The following BZW2 variants were observed in gnomAD, a reference collection of about 807,000 sequenced individuals.
BZW2 encodes eIF5-mimic protein 1.
A neutral mutation model predicts 53.2 loss-of-function variants in BZW2; 23 were observed. The observed-to-expected ratio is 0.43, with a 90% CI of 0.31 to 0.61. BZW2 has a LOEUF of 0.61. BZW2 is among the 20% of genes least tolerant of loss of function. The probability of loss-of-function intolerance (pLI) is 0.09; values close to 1 mark genes in which losing one functional copy is unlikely to be tolerated. For missense variants in BZW2, 409 were observed against 503.1 expected (o/e 0.81, Z 1.79); for synonymous variants, 227 against 186.4 (o/e 1.22, Z -1.77).
chr7:16,689,937 T>C, intron 7 of BZW2, 31 bp downstream of exon 7: 1 of 1,544,528 alleles, frequency 6.5e-7, no homozygotes, highest in South Asian at 1.2e-5. Flanking sequence ...GAGTTGTATG[T>C]ATGATGCCTT....
intron 2 of BZW2, among the ~76,000 whole-genome samples, chr7:16,671,426 ACCTTTC>A (rs1030982708): frequency 2.0e-5 from 3 of 152,204 alleles, no homozygotes; most frequent in African/African-American, 7.2e-5. Flanking sequence ...GCCCACCCTA[ACCTTTC>A]CCTTTGTTGT....
chr7:16,696,127 A>C (rs1318993827), intron 8 of BZW2: 1 of 152,144 alleles, frequency 6.6e-6, no homozygotes, highest in Admixed American at 6.5e-5. Context: ...TTCCAGCAAA[A>C]AAGAAAAGGG....
At chr7:16,656,551 GCGCGCACACACACACA>G (rs1270773707) in intron 1 of BZW2, among the ~76,000 whole-genome samples, 2 of 112,238 alleles carry the variant, frequency 1.8e-5, no homozygotes, top group Non-Finnish European at 3.3e-5. Flanking sequence ...CCCAGCGCGC[GCGCGCACACACACACA>G]CACACACACA....
chr7:16,665,179 G>A (rs1024959820), intron 1 of BZW2, among the ~76,000 whole-genome samples: 6 of 151,994 alleles, frequency 3.9e-5, no homozygotes, highest in South Asian at 2.1e-4. Context: ...GGTGGCTCAC[G>A]CTTGTAGTCC....
intron 6 of BZW2, among the ~76,000 whole-genome samples, chr7:16,688,809 CAT>C (rs1783210076): frequency 6.6e-6 from 1 of 152,082 alleles, no homozygotes. Context: ...TAAATGTGGA[CAT>C]GTGATTAAAT....
chr7:16,688,063 CA>C (rs1783185731), intron 6 of BZW2, among the ~76,000 whole-genome samples: 1 of 149,464 alleles, frequency 6.7e-6, no homozygotes, highest in Non-Finnish European at 1.5e-5. Flanking sequence ...TTTGCTTATT[CA>C]AGGGAAGAAA....
intron 1 of BZW2, among the ~76,000 whole-genome samples, chr7:16,663,186 A>G (rs1486541788): frequency 2.0e-5 from 3 of 152,200 alleles, no homozygotes; most frequent in African/African-American, 7.2e-5. Context: ...AGCATTTGTA[A>G]TGATTTCGAT....
rs1233579684 is a variant in BZW2 at position 16,689,920 on chromosome 7, G to T, written c.651+14G>T. ...AAGAGGCTGCTTGTAAGTGTTTTCTGGTTAAAGAGTTGTATGTATGATGCC... is the reference window on the plus strand; with the variant it reads ...AAGAGGCTGCTTGTAAGTGTTTTCTTGTTAAAGAGTTGTATGTATGATGCC... On this transcript the variant is annotated intron_variant, in intron 7 of 11. Transcript: ENST00000258761. The T allele has an allele frequency of 6.3e-7, 1 of 1,598,214 alleles. No homozygotes were observed.
At chr7:16,668,724 C>T (rs963369948) in intron 2 of BZW2, among the ~76,000 whole-genome samples, 3 of 152,196 alleles carry the variant, frequency 2.0e-5, no homozygotes, top group Non-Finnish European at 4.4e-5. Flanking sequence ...GCCAGTGCTC[C>T]TGCATGCCAA....
At chr7:16,658,919 T>C (rs997115542) in intron 1 of BZW2, among the ~76,000 whole-genome samples, 178 of 150,634 alleles carry the variant, frequency 1.2e-3, no homozygotes, top group African/African-American at 4.1e-3. Flanking sequence ...TGCTGTCATT[T>C]CCCTATTCCT....
At chr7:16,701,745 T>G (rs545968088) in intron 10 of BZW2, among the ~76,000 whole-genome samples, 8 of 152,190 alleles carry the variant, frequency 5.3e-5, no homozygotes, top group Non-Finnish European at 1.2e-4. Flanking sequence ...GTGTGTTGAA[T>G]CGATACTATA....
chr7:16,673,330 A>G (rs974321513), intron 2 of BZW2, among the ~76,000 whole-genome samples: 3 of 152,154 alleles, frequency 2.0e-5, no homozygotes, highest in Non-Finnish European at 1.5e-5. Flanking sequence ...AATCAAAACC[A>G]TTTTTATAAT....
intron 1 of BZW2, 94 bp from the exon 2 acceptor site, chr7:16,665,343 G>A: frequency 1.4e-6 from 2 of 1,435,976 alleles, no homozygotes; most frequent in East Asian, 2.3e-5. Context: ...TAATGAGTGA[G>A]GTTGAACATA....
chr7:16,697,118 TTTG>T, intron 9 of BZW2, 57 bp downstream of exon 9: 1 of 1,545,152 alleles, frequency 6.5e-7, no homozygotes, highest in Admixed American at 2.0e-5. Flanking sequence ...GCTTTTTTTG[TTTG>T]TTTGTTTGTT....
rs1781856154 is a variant in BZW2 at position 16,646,208 on chromosome 7, G to A, written c.-88G>A. On this transcript the variant is annotated 5_prime_UTR_variant, in exon 1 of 12. Transcript: ENST00000258761. ...TCCTCCATTGTCTGCCGCCACTGCT[G>A]CTGCTGCTGCTGCTGCCGCTGCTGC... is the stretch of plus-strand genomic sequence containing the variant. The A allele has an allele frequency of 5.9e-6, 2 of 337,166 alleles. No homozygotes were observed. Among genetic ancestry groups the A allele is most frequent in the Admixed American group, 3.2e-5 (1 of 31,106 alleles). The allele number at this position is 337,166 out of a possible 1,614,324, so 20.9% of individuals were successfully genotyped here. A position where few individuals can be genotyped will look rare whatever the true frequency, so the allele number is the denominator to read the frequency against.
Position 16,656,314 on chromosome 7 carries a change from T to C in BZW2, c.-7-9123T>C, listed in dbSNP as rs556335206. On this transcript the variant is annotated intron_variant, in intron 1 of 11. Coordinates refer to ENST00000258761, the MANE Select transcript of BZW2 (RefSeq NM_014038.3). ...TTACTTTGGAGAATGTCCCTAGATA[T>C]ACATCTGTTTCCTCATGATTAGCTA... Among the ~76,000 whole-genome samples the C allele has an allele frequency of 2.6e-5, 4 of 152,242 alleles. No homozygotes were observed. In the East Asian group the frequency reaches 7.7e-4, roughly 29 times the overall value.
intron 3 of BZW2, among the ~76,000 whole-genome samples, chr7:16,679,992 A>G (rs1583727906): frequency 6.6e-6 from 1 of 152,126 alleles, no homozygotes; most frequent in South Asian, 2.1e-4. Flanking sequence ...CATCTAATCT[A>G]TTGAGTCCAT....
chr7:16,693,970 G>T (rs972979676), intron 7 of BZW2, among the ~76,000 whole-genome samples: 2 of 152,224 alleles, frequency 1.3e-5, no homozygotes, highest in East Asian at 3.9e-4. Flanking sequence ...ATAGCCATTG[G>T]CCATATATAT....
chr7:16,706,235 T>G lies in BZW2; in HGVS notation c.*147T>G. 1.2e-6 allele frequency: 1 copy of G among 835,648 alleles called. No homozygotes were observed. Among genetic ancestry groups the G allele is most frequent in the Non-Finnish European group, 1.8e-6 (1 of 544,038 alleles). 51.8% of individuals were successfully genotyped at this position (835,648 alleles called of 1,614,324 possible). ...TTCCCTTGTGCAGAGGGAGAAATGG[T>G]TTTGTTTTTGTTTTGTTTTTAAATG... On this transcript the variant is annotated 3_prime_UTR_variant, in exon 12 of 12. Coordinates refer to ENST00000258761, the MANE Select transcript of BZW2 (RefSeq NM_014038.3).
Sources: allele counts gnomAD v4.1 joint callset (sites outside exome capture counted in the v4.1 genomes callset), GRCh38; gene constraint gnomAD v4.1.1; transcripts MANE v1.5; gene names NCBI Gene and HGNC (gene_info 2026-07-23, HGNC 2026-07-21).